PCDHGA1: variants seen among roughly 807,000 people sequenced by gnomAD.
PCDHGA1 encodes the protein protocadherin gamma subfamily A, 1, also known as protocadherin gamma-A1.
In PCDHGA1, 32 loss-of-function variants were observed where a neutral mutation model predicts 58.0. That is an observed-to-expected ratio of 0.55 (90% CI 0.42 to 0.74). PCDHGA1 has a LOEUF of 0.74. Among genes scored for constraint, PCDHGA1 ranks in the 30% least tolerant of loss-of-function variants. PCDHGA1 has a pLI of 0.00. For synonymous variants in PCDHGA1, 498 were observed against 501.1 expected (o/e 0.99, Z 0.08); for missense variants, 1,205 against 1,182.3 (o/e 1.02, Z -0.28).
chr5:141,361,219 C>T, intron 1 of PCDHGA1: 2 of 1,613,924 alleles, frequency 1.2e-6, no homozygotes, highest in Non-Finnish European at 1.7e-6. Flanking sequence ...GGATTCGCCA[C>T]CAGGAACAGT....
At chr5:141,410,351 C>G in intron 1 of PCDHGA1, 1 of 1,614,066 alleles carries the variant, frequency 6.2e-7, no homozygotes. Flanking sequence ...GCGCCTGCGA[C>G]GCTCTCTCAG....
At position 141,511,124 on chromosome 5, in the gene PCDHGA1, C is replaced by A. The variant is rs752246201; in HGVS notation, c.2747C>A (p.Ala916Glu). The A allele has an allele frequency of 6.2e-7, 1 of 1,614,206 alleles. No homozygotes were observed. The highest frequency in any genetic ancestry group is 8.5e-7 in the Non-Finnish European group (1 of 1,180,022). ...AAGKRDGKAP[A>E]GGNGNKKKSG... The stretch of plus-strand genomic sequence containing the variant: ...GGCAAGCGGGATGGCAAGGCCCCAG[C>A]AGGTGGCAATGGCAACAAGAAGAAG... Residue 916 changes from alanine (A) to glutamate (E), a missense_variant, in exon 4 of 4, where the codon GCA becomes GAA. Coordinates refer to ENST00000517417, the MANE Select transcript of PCDHGA1 (RefSeq NM_018912.3).
chr5:141,373,102 C>T (rs182664411), intron 1 of PCDHGA1, among the ~76,000 whole-genome samples: 60 of 152,332 alleles, frequency 3.9e-4, no homozygotes, highest in Admixed American at 3.5e-3. Flanking sequence ...CATTTTCAGA[C>T]ATATCTATCC....
rs371995922 is a variant in PCDHGA1 at position 141,395,132 on chromosome 5, C to T, written c.2421+62027C>T. ...AGAGTCACCTGATCTTTCCCCAGCC[C>T]AACTACGCAGACATGCTCATCAGTC... On this transcript the variant is annotated intron_variant, in intron 1 of 3. Transcript: ENST00000517417. 8.7e-6 allele frequency: 14 copies of T among 1,614,068 alleles called. No homozygotes were observed. The African/African-American group carries it at 1.6e-4, about 18-fold the overall frequency.
chr5:141,352,712 G>C, intron 1 of PCDHGA1: 9 of 1,540,860 alleles, frequency 5.8e-6, no homozygotes, highest in Non-Finnish European at 7.9e-6. Context: ...TATGGCGGCC[G>C]GGCGCGGTGG....
chr5:141,461,813 C>T (rs2099023751), intron 1 of PCDHGA1, among the ~76,000 whole-genome samples: 1 of 151,846 alleles, frequency 6.6e-6, no homozygotes, highest in African/African-American at 2.4e-5. Flanking sequence ...ACCACCACAC[C>T]CAGCTAATTT....
chr5:141,352,336 G>C (rs760345760), intron 1 of PCDHGA1: 2 of 1,613,924 alleles, frequency 1.2e-6, no homozygotes, highest in African/African-American at 2.7e-5. Context: ...TTGTGGCCTT[G>C]GCCTTGATCT....
intron 1 of PCDHGA1, among the ~76,000 whole-genome samples, chr5:141,443,035 CTT>C (rs2098359592): frequency 6.6e-6 from 1 of 152,208 alleles, no homozygotes; most frequent in African/African-American, 2.4e-5. Context: ...CAGACCTAAA[CTT>C]TGAAAATTAT....
Position 141,431,724 on chromosome 5 carries a change from T to C in PCDHGA1, c.2422-63083T>C, listed in dbSNP as rs758754345. The C allele has an allele frequency of 6.2e-7, 1 of 1,614,036 alleles. No individual in the cohort carries two copies. Among genetic ancestry groups the C allele is most frequent in the Non-Finnish European group, 8.5e-7 (1 of 1,180,036 alleles). On this transcript the variant is annotated intron_variant, in intron 1 of 3. Coordinates refer to ENST00000517417, the MANE Select transcript of PCDHGA1 (RefSeq NM_018912.3). This position sits in a 1 kb window ranked among gnomAD's most constrained non-coding sequence, Gnocchi z 4.8. The stretch of plus-strand genomic sequence containing the variant: ...TTCTACCAGATGGAAGTGCAAGCAA[T>C]GGATAATGCAGGATATTCTGCGCGA...
At chr5:141,349,463 C>T (rs1758301249) in intron 1 of PCDHGA1, among the ~76,000 whole-genome samples, 1 of 152,106 alleles carries the variant, frequency 6.6e-6, no homozygotes, top group Non-Finnish European at 1.5e-5. Flanking sequence ...TGTATGTGTA[C>T]CCCAACACTA....
intron 1 of PCDHGA1, chr5:141,371,847 G>C: frequency 6.2e-7 from 1 of 1,613,670 alleles, no homozygotes; most frequent in Non-Finnish European, 8.5e-7. Flanking sequence ...GGGACCTAAT[G>C]GCCTTGTCTC....
intron 1 of PCDHGA1, chr5:141,357,122 G>A (rs4329068): frequency 0.044 from 71,100 of 1,613,598 alleles, 1,723 homozygotes; most frequent in Middle Eastern, 0.06. Flanking sequence ...CTCAAGCAGA[G>A]GCTTGTAGTG....
chr5:141,490,891 C>A lies in PCDHGA1; in HGVS notation c.2422-3916C>A, dbSNP rs1462296497. The A allele has an allele frequency of 6.2e-7, 1 of 1,613,204 alleles. No homozygotes were observed. Among genetic ancestry groups the A allele is most frequent in the Non-Finnish European group, 8.5e-7 (1 of 1,179,262 alleles). On this transcript the variant is annotated intron_variant, in intron 1 of 3. Transcript: ENST00000517417. This position sits in a 1 kb window ranked among gnomAD's most constrained non-coding sequence, Gnocchi z 5.4. ...CCCATTGCATGCCAACACATCTCTGCATGTGTTTGTCCTAGACGAGAATGA... is the reference window on the plus strand; with the variant it reads ...CCCATTGCATGCCAACACATCTCTGAATGTGTTTGTCCTAGACGAGAATGA...
At chr5:141,456,306 G>C (rs937409031) in intron 1 of PCDHGA1, among the ~76,000 whole-genome samples, 1 of 152,158 alleles carries the variant, frequency 6.6e-6, no homozygotes, top group Non-Finnish European at 1.5e-5. Context: ...GAGAACAGCA[G>C]CTAGGGCTCC....
Position 141,341,368 on chromosome 5 carries a change from A to G in PCDHGA1, c.2421+8263A>G. 4 of 1,614,266 alleles carry G rather than the reference A, an allele frequency of 2.5e-6. 1 individual carries two copies. Among genetic ancestry groups the G allele is most frequent in the Non-Finnish European group, 1.7e-6 (2 of 1,180,052 alleles). ...TATCAGCGCCTCAATCTCTACTCGA[A>G]GAAGAAAGAGAAGAAACGTTTTCTC... is the stretch of plus-strand genomic sequence containing the variant. On this transcript the variant is annotated intron_variant, in intron 1 of 3. Coordinates refer to ENST00000517417, the MANE Select transcript of PCDHGA1 (RefSeq NM_018912.3).
At chr5:141,428,100 G>C (rs1313410784) in intron 1 of PCDHGA1, 11 of 1,608,462 alleles carry the variant, frequency 6.8e-6, no homozygotes, top group Non-Finnish European at 9.3e-6. Context: ...GTCCTACCAC[G>C]TGCTGCAGGC....
chr5:141,376,466 C>G, intron 1 of PCDHGA1: 3 of 1,614,200 alleles, frequency 1.9e-6, no homozygotes, highest in Non-Finnish European at 2.5e-6. Flanking sequence ...TCTGATAACT[C>G]AGGATTTACT....
chr5:141,404,907 C>T (rs2094582940), intron 1 of PCDHGA1: 1 of 1,613,890 alleles, frequency 6.2e-7, no homozygotes. Context: ...CATGGCCAGC[C>T]CCCTCTCTCG....
chr5:141,452,165 C>T (rs917431071), intron 1 of PCDHGA1, among the ~76,000 whole-genome samples: 2 of 152,120 alleles, frequency 1.3e-5, no homozygotes, highest in African/African-American at 4.8e-5. Flanking sequence ...TATTCTATTA[C>T]TAACATTTTT....
Sources: allele counts gnomAD v4.1 joint callset (sites outside exome capture counted in the v4.1 genomes callset), GRCh38; gene constraint gnomAD v4.1.1; non-coding constraint Gnocchi (gnomAD v3.1); transcripts MANE v1.5; gene names NCBI Gene and HGNC (gene_info 2026-07-23, HGNC 2026-07-21).